The following KCNIP1 variants were observed in gnomAD, a reference collection of about 807,000 sequenced individuals.
KCNIP1 encodes A-type potassium channel modulatory protein KCNIP1.
In KCNIP1, 18 loss-of-function variants were observed where a neutral mutation model predicts 33.0. That is an observed-to-expected ratio of 0.55 (90% confidence interval 0.38 to 0.81). The LOEUF (loss-of-function observed/expected upper bound fraction) is 0.81. Ranked by LOEUF, KCNIP1 falls within the 30% of genes least tolerant of loss-of-function variation. The pLI is 0.00. For missense variants in KCNIP1, 238 were observed against 271.6 expected (o/e 0.88, Z 0.87); for synonymous variants, 93 against 98.3 (o/e 0.95, Z 0.32).
intron 1 of KCNIP1, among the ~76,000 whole-genome samples, chr5:170,430,625 T>C (rs1021689017): frequency 3.3e-5 from 5 of 152,292 alleles, no homozygotes; most frequent in African/African-American, 1.2e-4. Flanking sequence ...TCCTCAAGGA[T>C]GGGAACGTCC....
chr5:170,449,975 G>C (rs1388320432), intron 1 of KCNIP1, among the ~76,000 whole-genome samples: 1 of 152,148 alleles, frequency 6.6e-6, no homozygotes, highest in Non-Finnish European at 1.5e-5. Flanking sequence ...TTGGCTGAAG[G>C]CAGCTGAATT....
chr5:170,492,134 C>T (rs1029153740), intron 1 of KCNIP1, among the ~76,000 whole-genome samples: 8 of 152,200 alleles, frequency 5.3e-5, no homozygotes, highest in Admixed American at 1.3e-4. Context: ...CACAAAACTG[C>T]CCCCACTTCA....
At chr5:170,556,211 A>C (rs998710992) in intron 1 of KCNIP1, among the ~76,000 whole-genome samples, 7 of 152,238 alleles carry the variant, frequency 4.6e-5, no homozygotes, top group African/African-American at 1.4e-4. Flanking sequence ...CCCCCATGTC[A>C]AACAGCAAAC....
chr5:170,406,483 TTA>T (rs1755042405), intron 1 of KCNIP1, among the ~76,000 whole-genome samples: 1 of 152,198 alleles, frequency 6.6e-6, no homozygotes, highest in Admixed American at 6.5e-5. Context: ...TACAGGGTTA[TTA>T]TAAGGATTTT....
intron 1 of KCNIP1, among the ~76,000 whole-genome samples, chr5:170,416,431 C>A (rs1033658304): frequency 3.3e-5 from 5 of 152,112 alleles, no homozygotes; most frequent in Non-Finnish European, 5.9e-5. Flanking sequence ...AGAAATGATG[C>A]GGAGGAATGA....
At chr5:170,496,207 A>G (rs1757308239) in intron 1 of KCNIP1, among the ~76,000 whole-genome samples, 1 of 152,164 alleles carries the variant, frequency 6.6e-6, no homozygotes, top group Non-Finnish European at 1.5e-5. Context: ...CACTAAAAGG[A>G]TGGGTGGGAG....
At chr5:170,624,684 G>A (rs1052938262) in intron 1 of KCNIP1, among the ~76,000 whole-genome samples, 16 of 146,360 alleles carry the variant, frequency 1.1e-4, no homozygotes, top group African/African-American at 4.0e-4. Flanking sequence ...TTGTGTGGAG[G>A]GGAGGAGAGG....
At position 170,574,557 on chromosome 5, in the gene KCNIP1, T is replaced by C. The variant is rs554602846; in HGVS notation, c.61+69924T>C. ...AGATATGGCAGGCTCGCCAAGCACTTCCATACCACATGGTTTATTGCCTTG... is the reference window on the plus strand; with the variant it reads ...AGATATGGCAGGCTCGCCAAGCACTCCCATACCACATGGTTTATTGCCTTG... On this transcript the variant is annotated intron_variant, in intron 1 of 7. Coordinates refer to ENST00000328939, the MANE Select transcript of KCNIP1 (RefSeq NM_014592.4). Among the ~76,000 whole-genome samples, 8 of 152,364 alleles carry C rather than the reference T, an allele frequency of 5.3e-5. No individual in the cohort carries two copies. In the East Asian group the frequency reaches 1.3e-3, roughly 26 times the overall value.
chr5:170,572,154 G>C (rs1462081850), intron 1 of KCNIP1, among the ~76,000 whole-genome samples: 1 of 152,168 alleles, frequency 6.6e-6, no homozygotes, highest in African/African-American at 2.4e-5. Flanking sequence ...ATGTGAACCA[G>C]TGCAGCCAGA....
intron 1 of KCNIP1, among the ~76,000 whole-genome samples, chr5:170,573,874 TA>T (rs1261714090): frequency 6.6e-6 from 1 of 152,230 alleles, no homozygotes; most frequent in African/African-American, 2.4e-5. Flanking sequence ...ATTCCTGACC[TA>T]TGCAATGTGA....
chr5:170,372,311 C>T (rs542663056), intron 1 of KCNIP1, among the ~76,000 whole-genome samples: 63 of 152,092 alleles, frequency 4.1e-4, no homozygotes, highest in Admixed American at 1.8e-3. Flanking sequence ...GCAGAGTTTC[C>T]GGGCCCTCTC....
intron 5 of KCNIP1, among the ~76,000 whole-genome samples, chr5:170,730,997 C>T (rs918171174): frequency 5.9e-5 from 9 of 152,018 alleles, no homozygotes; most frequent in African/African-American, 1.9e-4. Context: ...CAACTGAATA[C>T]ATAAATAAAT....
intron 1 of KCNIP1, among the ~76,000 whole-genome samples, chr5:170,454,090 CAAG>C (rs1482888810): frequency 6.6e-6 from 1 of 152,190 alleles, no homozygotes; most frequent in Non-Finnish European, 1.5e-5. Flanking sequence ...TACAGCTGCT[CAAG>C]AAGGTTAGCT....
intron 1 of KCNIP1, among the ~76,000 whole-genome samples, chr5:170,642,708 C>T (rs1218447527): frequency 2.0e-5 from 3 of 152,192 alleles, no homozygotes; most frequent in South Asian, 2.1e-4. Flanking sequence ...CTTGTGTCTG[C>T]ATCAAACCCA....
At chr5:170,723,526 A>G (rs533656312) in intron 5 of KCNIP1, among the ~76,000 whole-genome samples, 5 of 152,288 alleles carry the variant, frequency 3.3e-5, no homozygotes, top group African/African-American at 4.8e-5. Flanking sequence ...GCCTGGAGGT[A>G]TAGATATCAG....
At chr5:170,572,970 G>T (rs968163243) in intron 1 of KCNIP1, among the ~76,000 whole-genome samples, 1 of 152,170 alleles carries the variant, frequency 6.6e-6, no homozygotes, top group African/African-American at 2.4e-5. Flanking sequence ...GTTATATTTG[G>T]GAAGGAGCCT....
At chr5:170,586,193 G>A (rs988505805) in intron 1 of KCNIP1, among the ~76,000 whole-genome samples, 10 of 152,198 alleles carry the variant, frequency 6.6e-5, no homozygotes, top group African/African-American at 2.4e-4. Context: ...TTCAATAAAC[G>A]ATGGCTATTA....
At chr5:170,392,435 A>C (rs185167874) in intron 1 of KCNIP1, among the ~76,000 whole-genome samples, 1 of 152,176 alleles carries the variant, frequency 6.6e-6, no homozygotes, top group Non-Finnish European at 1.5e-5. Context: ...TCAAAGGGGG[A>C]CTGTTACAGT....
At chr5:170,468,316 A>G (rs1265035681) in intron 1 of KCNIP1, among the ~76,000 whole-genome samples, 6 of 152,360 alleles carry the variant, frequency 3.9e-5, no homozygotes, top group Non-Finnish European at 8.8e-5. Context: ...CAATGTTTAG[A>G]GCAATTTAAT....
Sources: allele counts gnomAD v4.1 joint callset (sites outside exome capture counted in the v4.1 genomes callset), GRCh38; gene constraint gnomAD v4.1.1; transcripts MANE v1.5; gene names NCBI Gene and HGNC (gene_info 2026-07-23, HGNC 2026-07-21).